Variants in CYRIA observed in about 807,000 individuals in gnomAD.
CYRIA encodes CYFIP-related Rac1 interactor A.
In CYRIA, 15 loss-of-function variants were observed where a neutral mutation model predicts 43.9. That is an observed-to-expected ratio of 0.34 (90% CI 0.23 to 0.53). The LOEUF is 0.53. CYRIA is among the 20% of genes least tolerant of loss of function. CYRIA has a pLI of 0.94. For synonymous variants in CYRIA, 117 were observed against 136.0 expected (o/e 0.86, Z 0.97); for missense variants, 236 against 394.2 (o/e 0.60, Z 3.40).
chr2:16,593,973 C>A (rs1286020505), intron 2 of CYRIA, among the ~76,000 whole-genome samples: 39 of 99,632 alleles, frequency 3.9e-4, no homozygotes, highest in African/African-American at 1.4e-3. Flanking sequence ...TGAGAATATG[C>A]GGTGTTTGGT....
rs1164097548 is a variant in CYRIA, at chr2:16,550,727, A to C, written c.*2209T>G. ...TGAGAGTCAGCTGTGGTAGAGACAC[A>C]CGACATGGGTTCAAGCCCCTCATGA... is the stretch of plus-strand genomic sequence containing the variant. On this transcript the variant is annotated 3_prime_UTR_variant, in exon 12 of 12. Coordinates refer to ENST00000381323, the MANE Select transcript of CYRIA (RefSeq NM_030797.4). 1 of 152,128 alleles carries C rather than the reference A, an allele frequency of 6.6e-6. No individual in the cohort carries two copies. The highest frequency in any genetic ancestry group is 2.4e-5 in the African/African-American group (1 of 41,438). The allele number at this position is 152,128 out of a possible 1,614,324, so 9.4% of individuals were successfully genotyped here.
At position 16,555,995 on chromosome 2, in the gene CYRIA, A is replaced by C. The variant is rs11899702; in HGVS notation, c.838-856T>G. On this transcript the variant is annotated intron_variant, in intron 10 of 11. Coordinates refer to ENST00000381323, the MANE Select transcript of CYRIA (RefSeq NM_030797.4). ...AGTTGACCCGTAATTTGGGAAGTGC[A>C]TGGAAACTGAATTTATATAGATCAC... Among the ~76,000 whole-genome samples, 611 of 152,258 alleles carry C rather than the reference A, an allele frequency of 4.0e-3. 6 individuals are homozygous for C. Among genetic ancestry groups the C allele is most frequent in the African/African-American group, 0.014 (574 of 41,554 alleles).
chr2:16,619,421 C>T (rs1177696341), intron 2 of CYRIA, among the ~76,000 whole-genome samples: 1 of 152,010 alleles, frequency 6.6e-6, no homozygotes, highest in Non-Finnish European at 1.5e-5. Flanking sequence ...ACATATTCTA[C>T]CCCAAGAGTT....
At chr2:16,588,276 A>T in intron 2 of CYRIA, 147 bp from the exon 3 acceptor site, 1 of 547,720 alleles carries the variant, frequency 1.8e-6, no homozygotes, top group Non-Finnish European at 3.3e-6. Context: ...GTAGCAACTC[A>T]TTTCTAAATT....
intron 10 of CYRIA, among the ~76,000 whole-genome samples, chr2:16,556,761 G>C (rs1666539897): frequency 1.3e-5 from 2 of 152,064 alleles, no homozygotes; most frequent in African/African-American, 4.8e-5. Flanking sequence ...GTGAGGTGTG[G>C]GAGCAGCAGT....
At chr2:16,652,620 C>T (rs1160799350) in intron 1 of CYRIA, among the ~76,000 whole-genome samples, 1 of 152,210 alleles carries the variant, frequency 6.6e-6, no homozygotes, top group Non-Finnish European at 1.5e-5. Context: ...CCTGCTACCC[C>T]CTGCCACCCT....
intron 1 of CYRIA, among the ~76,000 whole-genome samples, chr2:16,631,364 G>A (rs1442401733): frequency 6.6e-6 from 1 of 152,212 alleles, no homozygotes; most frequent in Non-Finnish European, 1.5e-5. Context: ...AGCGTAGCTG[G>A]GGAGGAAGGA....
chr2:16,578,375 G>C (rs12618488), intron 3 of CYRIA, among the ~76,000 whole-genome samples: 1 of 152,042 alleles, frequency 6.6e-6, no homozygotes, highest in Non-Finnish European at 1.5e-5. Context: ...CAAACACAAA[G>C]CAAGAAAATA....
At chr2:16,620,805 C>T (rs1448031064) in intron 2 of CYRIA, among the ~76,000 whole-genome samples, 4 of 152,138 alleles carry the variant, frequency 2.6e-5, no homozygotes, top group Admixed American at 6.5e-5. Flanking sequence ...CAGGATTCCC[C>T]GAGGCACAGT....
chr2:16,588,240 C>A, intron 2 of CYRIA, 111 bp from the exon 3 acceptor site: 1 of 618,648 alleles, frequency 1.6e-6, no homozygotes, highest in South Asian at 2.4e-5. Context: ...AAGAGAGCAT[C>A]TCCAACCCAG....
Position 16,586,595 on chromosome 2 carries a change from C to T in CYRIA, c.70+1455G>A, listed in dbSNP as rs553092668. On this transcript the variant is annotated intron_variant, in intron 3 of 11. Transcript: ENST00000381323. Reference sequence around the variant, plus strand: ...TAAATGTATTTTCAGAACATACAAGCTTTGGGGACACTTTTCCTTTTCAAG... The same window carrying T: ...TAAATGTATTTTCAGAACATACAAGTTTTGGGGACACTTTTCCTTTTCAAG... 2.6e-5 allele frequency among the ~76,000 whole-genome samples: 4 copies of T among 151,244 alleles called. No homozygotes were observed. In the South Asian group the frequency reaches 6.3e-4, roughly 24 times the overall value.
intron 1 of CYRIA, among the ~76,000 whole-genome samples, chr2:16,634,210 A>G (rs1311451320): frequency 6.6e-6 from 1 of 152,228 alleles, no homozygotes; most frequent in Non-Finnish European, 1.5e-5. Context: ...TCTTTACACC[A>G]ACACTAGGAA....
At chr2:16,628,378 C>G (rs990859786) in intron 1 of CYRIA, among the ~76,000 whole-genome samples, 2 of 152,144 alleles carry the variant, frequency 1.3e-5, no homozygotes. Context: ...CTGTGAGGCC[C>G]CTGATCTCAC....
intron 1 of CYRIA, among the ~76,000 whole-genome samples, chr2:16,645,857 A>G (rs1669804748): frequency 6.6e-6 from 1 of 152,240 alleles, no homozygotes; most frequent in African/African-American, 2.4e-5. Context: ...TTTGGAGGGT[A>G]TAAGAAAAGA....
At chr2:16,612,788 T>C (rs1423033065) in intron 2 of CYRIA, among the ~76,000 whole-genome samples, 1 of 152,210 alleles carries the variant, frequency 6.6e-6, no homozygotes, top group Non-Finnish European at 1.5e-5. Flanking sequence ...ATGGAACTTC[T>C]TGATATGGTC....
Position 16,617,934 on chromosome 2 carries a change from A to G in CYRIA, c.-11+5930T>C, listed in dbSNP as rs1668861518. On this transcript the variant is annotated intron_variant, in intron 2 of 11. Coordinates refer to ENST00000381323, the MANE Select transcript of CYRIA (RefSeq NM_030797.4). ...AACTGGTGACTCAGTGGCAGTTTGG[A>G]TTAGAATCCAAGTTAACCCCAGATA... Among the ~76,000 whole-genome samples the G allele has an allele frequency of 3.3e-5, 5 of 152,320 alleles. No homozygotes were observed. The South Asian group carries it at 1.0e-3, about 32-fold the overall frequency.
intron 2 of CYRIA, among the ~76,000 whole-genome samples, chr2:16,623,354 C>T (rs916267475): frequency 1.3e-5 from 2 of 152,140 alleles, no homozygotes; most frequent in African/African-American, 2.4e-5. Flanking sequence ...AGAGACATTG[C>T]GTTGGTGGTC....
chr2:16,562,671 G>C (rs1050135301), intron 5 of CYRIA, among the ~76,000 whole-genome samples: 2 of 151,960 alleles, frequency 1.3e-5, no homozygotes, highest in African/African-American at 4.8e-5. Context: ...ACTCCCACTT[G>C]TCTGTTTCTC....
At chr2:16,609,170 C>A (rs1161967089) in intron 2 of CYRIA, among the ~76,000 whole-genome samples, 1 of 152,192 alleles carries the variant, frequency 6.6e-6, no homozygotes, top group East Asian at 1.9e-4. Flanking sequence ...GACATTTGCT[C>A]ATTCAACATG....
Sources: gnomAD v4.1 joint callset for allele counts (sites outside exome capture counted in the v4.1 genomes callset) on GRCh38, gnomAD v4.1.1 for gene constraint, MANE v1.5 for transcripts, NCBI Gene and HGNC (gene_info 2026-07-23, HGNC 2026-07-21) for gene names.